The following BIN3 variants were observed in gnomAD, a reference collection of about 807,000 sequenced individuals.
The protein encoded by BIN3 is bridging integrator 3.
BIN3 carries 41 observed loss-of-function variants against 38.2 expected under a neutral mutation model. That is an observed-to-expected ratio of 1.07 (90% CI 0.84 to 1.39). The LOEUF (loss-of-function observed/expected upper bound fraction) is 1.39. BIN3 is among the 40% of genes most tolerant of loss of function. The probability of loss-of-function intolerance (pLI) is 0.00; values close to 1 mark genes in which losing one functional copy is unlikely to be tolerated. For synonymous variants in BIN3, 145 were observed against 122.6 expected (o/e 1.18, Z -1.21); for missense variants, 361 against 324.3 (o/e 1.11, Z -0.87).
In BIN3 at chr8:22,621,195, C is replaced by G; in HGVS notation, c.*227G>C. The stretch of plus-strand genomic sequence containing the variant: ...GACGGTTCTCCAAATAAAAAAGCCC[C>G]AAGGGTTTGTCTACACTGCTTACCT... On this transcript the variant is annotated 3_prime_UTR_variant, in exon 9 of 9. Transcript: ENST00000276416. The G allele has an allele frequency of 1.7e-6, 1 of 574,126 alleles. No homozygotes were observed. The highest frequency in any genetic ancestry group is 3.0e-6 in the Non-Finnish European group (1 of 328,008). 35.6% of individuals were successfully genotyped at this position (574,126 alleles called of 1,614,324 possible).
At chr8:22,636,868 G>A in intron 3 of BIN3, 54 bp downstream of exon 3, 1 of 1,575,360 alleles carries the variant, frequency 6.3e-7, no homozygotes, top group East Asian at 2.2e-5. Flanking sequence ...GACCTGGCAG[G>A]GGGCCCTTGT....
chr8:22,668,921 G>A (rs1803515900), intron 1 of BIN3, 123 bp downstream of exon 1: 13 of 1,312,020 alleles, frequency 9.9e-6, no homozygotes, highest in East Asian at 5.1e-5. Context: ...GGGCTGTCGG[G>A]CCTTGCTCTG....
At chr8:22,662,388 G>A (rs1227145097) in intron 1 of BIN3, among the ~76,000 whole-genome samples, 1 of 152,152 alleles carries the variant, frequency 6.6e-6, no homozygotes, top group Non-Finnish European at 1.5e-5. Context: ...CTCATTGTTG[G>A]TTTAATCTGT....
chr8:22,650,174 T>C (rs56141704), intron 1 of BIN3, among the ~76,000 whole-genome samples: 42,971 of 152,098 alleles, frequency 0.28, 7,116 homozygotes, highest in East Asian at 0.61. Context: ...AATCTTGGTG[T>C]GCACTAAGAG....
In BIN3 at chr8:22,636,560, T is replaced by G; in HGVS notation, c.125A>C (p.Gln42Pro). The G allele has an allele frequency of 1.4e-5, 22 of 1,552,728 alleles. No individual in the cohort carries two copies. The highest frequency in any genetic ancestry group is 1.9e-5 in the Non-Finnish European group (22 of 1,147,670). ...GTCGGTGCTCTTCTTCATGTCTTTCTGCAGCCTCCGGGTCTGCTCTTCCAG... is the reference window on the plus strand; with the variant it reads ...GTCGGTGCTCTTCTTCATGTCTTTCGGCAGCCTCCGGGTCTGCTCTTCCAG... ...QQLEEQTRRL[Q>P]KDMKKSTDAD... The change falls in exon 4 of 9, where the codon CAG becomes CCG. Residue 42 changes from glutamine to proline, a missense_variant. Coordinates refer to ENST00000276416, the MANE Select transcript of BIN3 (RefSeq NM_018688.6).
intron 1 of BIN3, among the ~76,000 whole-genome samples, chr8:22,659,525 C>G (rs566331890): frequency 6.6e-6 from 1 of 152,330 alleles, no homozygotes; most frequent in South Asian, 2.1e-4. Context: ...TTAAGTCACA[C>G]GAGAGCTGGG....
intron 8 of BIN3, among the ~76,000 whole-genome samples, chr8:22,623,032 C>A (rs1392351795): frequency 6.6e-6 from 1 of 152,176 alleles, no homozygotes; most frequent in Non-Finnish European, 1.5e-5. Context: ...TACGGGCCTG[C>A]AGGAAATGGC....
At chr8:22,655,069 G>A (rs767119529) in intron 1 of BIN3, among the ~76,000 whole-genome samples, 9 of 152,092 alleles carry the variant, frequency 5.9e-5, no homozygotes, top group South Asian at 2.1e-4. Flanking sequence ...GACGTTAAGC[G>A]TCTTTTCATG....
chr8:22,637,615 G>A (rs1802414210), intron 2 of BIN3, among the ~76,000 whole-genome samples: 1 of 152,202 alleles, frequency 6.6e-6, no homozygotes, highest in African/African-American at 2.4e-5. Context: ...CCTGAACCCG[G>A]GGCTGCACTT....
At chr8:22,629,419 C>T (rs965275888) in intron 6 of BIN3, among the ~76,000 whole-genome samples, 2 of 152,222 alleles carry the variant, frequency 1.3e-5, no homozygotes, top group African/African-American at 4.8e-5. Context: ...AGGGCCTGCC[C>T]AACAGAAGAT....
intron 1 of BIN3, among the ~76,000 whole-genome samples, chr8:22,663,231 A>T (rs892972359): frequency 1.4e-5 from 2 of 138,826 alleles, no homozygotes; most frequent in Non-Finnish European, 3.1e-5. Context: ...TGTGTGTGTG[A>T]GTTGTGATAT....
intron 2 of BIN3, 75 bp from the exon 3 acceptor site, chr8:22,637,037 T>A: frequency 9.7e-6 from 13 of 1,340,666 alleles, no homozygotes; most frequent in Admixed American, 1.8e-5. Context: ...CTCCTGAAAC[T>A]CTCTCCACAC....
At chr8:22,651,601 T>G (rs898166638) in intron 1 of BIN3, among the ~76,000 whole-genome samples, 3 of 152,248 alleles carry the variant, frequency 2.0e-5, no homozygotes, top group South Asian at 2.1e-4. Flanking sequence ...GGACATAATT[T>G]CTGCCAGAAT....
chr8:22,626,790 C>G (rs1171923412), intron 6 of BIN3, among the ~76,000 whole-genome samples: 3 of 152,186 alleles, frequency 2.0e-5, no homozygotes, highest in African/African-American at 4.8e-5. Context: ...GCCCTATGCT[C>G]GTTGCTCCAG....
chr8:22,652,153 T>G (rs930108410), intron 1 of BIN3, among the ~76,000 whole-genome samples: 7 of 152,210 alleles, frequency 4.6e-5, no homozygotes, highest in Admixed American at 4.6e-4. Flanking sequence ...CTTCCCTTTA[T>G]AGTTTCAGTT....
intron 1 of BIN3, among the ~76,000 whole-genome samples, chr8:22,655,970 GAT>G (rs941309059): frequency 8.5e-5 from 13 of 152,084 alleles, no homozygotes; most frequent in African/African-American, 3.1e-4. Context: ...AAAAGTTCCT[GAT>G]ACTTAGCAAA....
At chr8:22,644,929 G>C (rs569249956) in intron 1 of BIN3, 126 bp from the exon 2 acceptor site, 36 of 787,946 alleles carry the variant, frequency 4.6e-5, no homozygotes, top group Non-Finnish European at 7.2e-5. Context: ...CTTGCTACTT[G>C]GACCATGTGC....
chr8:22,635,927 G>C (rs367608759), intron 4 of BIN3, among the ~76,000 whole-genome samples: 5 of 152,074 alleles, frequency 3.3e-5, no homozygotes, highest in African/African-American at 9.7e-5. Context: ...TAGGCTCCCA[G>C]GCCTGGTTCC....
In BIN3 at chr8:22,669,065, C is replaced by T. The variant is rs1324915366; in HGVS notation, c.-14G>A. ...TCACCAGCTCATGGTCCCGAACCTG[C>T]GTCTGCCGCCGGGGTCCTCAGCCAC... is the stretch of plus-strand genomic sequence containing the variant. On this transcript the variant is annotated 5_prime_UTR_variant, in exon 1 of 9. Coordinates refer to ENST00000276416, the MANE Select transcript of BIN3 (RefSeq NM_018688.6). The T allele has an allele frequency of 6.3e-7, 1 of 1,591,158 alleles. No individual in the cohort carries two copies. Among genetic ancestry groups the T allele is most frequent in the Non-Finnish European group, 8.6e-7 (1 of 1,169,296 alleles).
Sources: allele counts gnomAD v4.1 joint callset (sites outside exome capture counted in the v4.1 genomes callset), GRCh38; gene constraint gnomAD v4.1.1; transcripts MANE v1.5; gene names NCBI Gene and HGNC (gene_info 2026-07-23, HGNC 2026-07-21).